The following ATP8A1 variants were observed in gnomAD, a reference collection of about 807,000 sequenced individuals.
ATP8A1 encodes the protein phospholipid-transporting ATPase IA.
Under a neutral mutation model 177.7 loss-of-function variants are expected in ATP8A1, and 90 were observed. That is an observed-to-expected ratio of 0.51 (90% CI 0.43 to 0.60). ATP8A1 has a LOEUF of 0.60. Ranked by LOEUF, ATP8A1 falls within the 20% of genes least tolerant of loss-of-function variation. The probability of loss-of-function intolerance (pLI) is 0.00; values close to 1 mark genes in which losing one functional copy is unlikely to be tolerated. For missense variants in ATP8A1, 1,072 were observed against 1,392.8 expected, an observed-to-expected ratio of 0.77 and a Z score of 3.67; for synonymous variants, 493 against 485.9, an observed-to-expected ratio of 1.01 and a Z score of -0.19.
At position 42,422,342 on chromosome 4, in the gene ATP8A1, G is replaced by A. The variant is rs556052085; in HGVS notation, c.3305+465C>T. Among the ~76,000 whole-genome samples the A allele has an allele frequency of 5.3e-5, 8 of 152,076 alleles. No homozygotes were observed. The South Asian group carries it at 1.0e-3, about 20-fold the overall frequency. On this transcript the variant is annotated intron_variant, in intron 35 of 36. Transcript: ENST00000381668. ...CCTGACCTTGTTATCTGCCCGCCTC[G>A]GCCTCCTAAAGTGCTGGGATTACAA...
At chr4:42,414,768 C>T in intron 35 of ATP8A1, 50 bp from the exon 36 acceptor site, 1 of 1,368,464 alleles carries the variant, frequency 7.3e-7, no homozygotes, top group African/African-American at 1.4e-5. Context: ...TCGGCAGAGA[C>T]CCCAGTGTGC....
chr4:42,586,361 A>G lies in ATP8A1; in HGVS notation c.710T>C (p.Leu237Pro). The change falls in exon 9 of 37, where the codon CTT becomes CCT. Residue 237 changes from leucine to proline, a missense_variant. By Grantham distance (98) the Leu-to-Pro change is moderately conservative. Transcript: ENST00000381668. Reference protein sequence around the residue: ...HLYDFVGNIRLDGHGTVPLGA... With the variant: ...HLYDFVGNIRPDGHGTVPLGA... The stretch of plus-strand genomic sequence containing the variant: ...GGATTTTACATACCCATGTCCATCA[A>G]GCCTTATGTTTCCAACAAAATCGTA... The G allele has an allele frequency of 6.2e-7, 1 of 1,614,084 alleles. No individual in the cohort carries two copies. Among genetic ancestry groups the G allele is most frequent in the South Asian group, 1.1e-5 (1 of 91,058 alleles).
chr4:42,467,439 A>T (rs906963321), intron 25 of ATP8A1, among the ~76,000 whole-genome samples: 11 of 152,220 alleles, frequency 7.2e-5, no homozygotes, highest in African/African-American at 2.7e-4. Flanking sequence ...CATGCCTGTA[A>T]TTCCAGCACT....
chr4:42,504,049 T>C (rs1251487121), intron 23 of ATP8A1, among the ~76,000 whole-genome samples: 1 of 152,186 alleles, frequency 6.6e-6, no homozygotes. Context: ...GCCTACTCTG[T>C]ACCTGTTTGC....
intron 24 of ATP8A1, among the ~76,000 whole-genome samples, chr4:42,486,652 T>C (rs1229910195): frequency 6.6e-6 from 1 of 152,186 alleles, no homozygotes; most frequent in Non-Finnish European, 1.5e-5. Flanking sequence ...AGGGAAGAAG[T>C]TGGGGAATAT....
chr4:42,495,848 T>C (rs1350446142), intron 24 of ATP8A1, among the ~76,000 whole-genome samples: 1 of 152,118 alleles, frequency 6.6e-6, no homozygotes, highest in Non-Finnish European at 1.5e-5. Flanking sequence ...AATCAATATA[T>C]ATTGCTAAAG....
intron 12 of ATP8A1, among the ~76,000 whole-genome samples, chr4:42,576,862 A>C (rs552399507): frequency 7.9e-5 from 12 of 152,362 alleles, no homozygotes; most frequent in African/African-American, 2.9e-4. Context: ...GGAATGTTTA[A>C]TTAGAAAGGA....
chr4:42,548,255 T>C (rs1729124558), intron 19 of ATP8A1, among the ~76,000 whole-genome samples: 1 of 152,218 alleles, frequency 6.6e-6, no homozygotes, highest in Admixed American at 6.5e-5. Context: ...ACAATTAGAA[T>C]GCCGGCTTCC....
chr4:42,508,257 A>G (rs911612324), intron 22 of ATP8A1, among the ~76,000 whole-genome samples: 7 of 152,096 alleles, frequency 4.6e-5, no homozygotes, highest in Non-Finnish European at 7.4e-5. Context: ...CTCAGCCTCC[A>G]GAGTAGCTTG....
intron 1 of ATP8A1, among the ~76,000 whole-genome samples, chr4:42,635,774 C>CATATATATATATATATATAT (rs1313230761): frequency 2.2e-5 from 1 of 46,112 alleles, no homozygotes; most frequent in African/African-American, 8.0e-5. Flanking sequence ...CACACACACA[C>CATATATATATATATATATAT]ACACACACAT....
intron 24 of ATP8A1, among the ~76,000 whole-genome samples, chr4:42,500,851 GAA>G (rs1190057004): frequency 6.6e-6 from 1 of 152,010 alleles, no homozygotes; most frequent in African/African-American, 2.4e-5. Context: ...TAAAAATGCT[GAA>G]GAGTTATTTT....
rs776695835 is a variant in ATP8A1, at chr4:42,581,714, T to C, written c.741A>G (p.Ala247=). The change falls in exon 10 of 37, where the codon GCA becomes GCG. Residue 247 remains alanine (A), a synonymous_variant. Transcript: ENST00000381668. ...LDGHGTVPLG[A]DQILLRGAQL... ...GAGCTCCTCGAAGAAGAATCTGATC[T>C]GCTCCCAGTGGAACGGTGCTAGGAC... 14 of 1,613,942 alleles carry C rather than the reference T, an allele frequency of 8.7e-6. No individual in the cohort carries two copies. In the South Asian group the frequency reaches 1.5e-4, roughly 18 times the overall value.
At chr4:42,492,842 T>C (rs1722862655) in intron 24 of ATP8A1, among the ~76,000 whole-genome samples, 1 of 152,240 alleles carries the variant, frequency 6.6e-6, no homozygotes, top group Non-Finnish European at 1.5e-5. Context: ...AGAATGAACA[T>C]AAGTTCAGGA....
At chr4:42,612,691 T>C (rs1393163757) in intron 5 of ATP8A1, among the ~76,000 whole-genome samples, 1 of 152,000 alleles carries the variant, frequency 6.6e-6, no homozygotes, top group Non-Finnish European at 1.5e-5. Flanking sequence ...AACTTTTAGG[T>C]TCTGAGTTAG....
At chr4:42,576,430 C>T (rs749529954) in intron 12 of ATP8A1, among the ~76,000 whole-genome samples, 113 of 131,026 alleles carry the variant, frequency 8.6e-4, no homozygotes, top group Non-Finnish European at 7.6e-4. Context: ...GAGCCTAGAT[C>T]GCGCCACTGC....
intron 22 of ATP8A1, among the ~76,000 whole-genome samples, chr4:42,508,242 C>T (rs1277675026): frequency 6.6e-6 from 1 of 152,194 alleles, no homozygotes; most frequent in Non-Finnish European, 1.5e-5. Flanking sequence ...AAGTGATTCT[C>T]CTGCCTCAGC....
chr4:42,536,311 T>C (rs1184092389), intron 20 of ATP8A1, among the ~76,000 whole-genome samples: 1 of 152,118 alleles, frequency 6.6e-6, no homozygotes, highest in Non-Finnish European at 1.5e-5. Context: ...AAAAGATCAT[T>C]CAAGGCTACT....
intron 20 of ATP8A1, among the ~76,000 whole-genome samples, chr4:42,536,190 A>G (rs1001274911): frequency 6.6e-6 from 1 of 152,216 alleles, no homozygotes; most frequent in Non-Finnish European, 1.5e-5. Context: ...GATAAATAAC[A>G]TCGATAGACC....
At chr4:42,418,977 T>C (rs958288548) in intron 35 of ATP8A1, among the ~76,000 whole-genome samples, 6 of 152,206 alleles carry the variant, frequency 3.9e-5, no homozygotes, top group Non-Finnish European at 8.8e-5. Context: ...TCATACTTAC[T>C]GAAGATTAAA....
Sources: allele counts gnomAD v4.1 joint callset (sites outside exome capture counted in the v4.1 genomes callset), GRCh38; gene constraint gnomAD v4.1.1; transcripts MANE v1.5; gene names NCBI Gene and HGNC (gene_info 2026-07-23, HGNC 2026-07-21).